The following CTNND2 variants were observed in gnomAD, a reference collection of about 807,000 sequenced individuals.
The protein encoded by CTNND2 is catenin delta-2.
Under a neutral mutation model 144.4 loss-of-function variants are expected in CTNND2, and 22 were observed. That is an observed-to-expected ratio of 0.15 (90% CI 0.11 to 0.22). CTNND2 has a LOEUF of 0.22. Among genes scored for constraint, CTNND2 ranks in the 10% least tolerant of loss-of-function variants. The pLI is 1.00. For synonymous variants in CTNND2, 751 were observed against 695.6 expected (o/e 1.08, Z -1.25); for missense variants, 1,353 against 1,618.8 (o/e 0.84, Z 2.82).
intron 1 of CTNND2, among the ~76,000 whole-genome samples, chr5:11,883,402 G>C (rs1416324988): frequency 6.6e-6 from 1 of 152,002 alleles, no homozygotes; most frequent in Non-Finnish European, 1.5e-5. Flanking sequence ...TCCTTATTCA[G>C]CTCTCACCTA....
intron 9 of CTNND2, 45 bp from the exon 10 acceptor site, chr5:11,236,868 T>C (rs757526103): frequency 1.2e-6 from 2 of 1,606,602 alleles, no homozygotes; most frequent in Non-Finnish European, 8.5e-7. Flanking sequence ...AGAGAAATCC[T>C]ACCACACTGT....
intron 1 of CTNND2, among the ~76,000 whole-genome samples, chr5:11,769,007 T>C (rs577554259): frequency 6.6e-6 from 1 of 152,326 alleles, no homozygotes; most frequent in East Asian, 1.9e-4. Context: ...TTCCATAGAC[T>C]ATAAATAAGA....
rs1487622330 is a variant in CTNND2 at position 11,081,071 on chromosome 5, G to GTC, written c.2788+1623_2788+1624dup. Among the ~76,000 whole-genome samples, 51 of 51,358 alleles carry GTC rather than the reference G, an allele frequency of 9.9e-4. 1 individual carries two copies. The South Asian group carries it at 0.019, about 19-fold the overall frequency. The allele number at this position is 51,358 out of a possible 152,430, so 33.7% of individuals were successfully genotyped here. ...CAGCCTGAGCAACACATGAGACCCTGTCACACACACACACACACACACACA... is the reference window on the plus strand; with the variant it reads ...CAGCCTGAGCAACACATGAGACCCTGTCTCACACACACACACACACACACACA... On this transcript the variant is annotated intron_variant, in intron 16 of 21. Transcript: ENST00000304623.
chr5:11,832,353 C>T (rs1447781306), intron 1 of CTNND2, among the ~76,000 whole-genome samples: 2 of 151,320 alleles, frequency 1.3e-5, no homozygotes, highest in East Asian at 3.9e-4. Flanking sequence ...AATGAAAAGA[C>T]AAGGCACAGT....
chr5:11,798,053 T>C (rs1038579980), intron 1 of CTNND2, among the ~76,000 whole-genome samples: 8 of 151,432 alleles, frequency 5.3e-5, no homozygotes, highest in Non-Finnish European at 1.0e-4. Context: ...AGGTGAGGAG[T>C]TCGAGACCAG....
At chr5:11,164,065 C>A (rs1011157696) in intron 11 of CTNND2, among the ~76,000 whole-genome samples, 2 of 152,068 alleles carry the variant, frequency 1.3e-5, no homozygotes, top group African/African-American at 4.8e-5. Context: ...CTGCCTGCAT[C>A]GCATTCCTTG....
chr5:11,463,510 T>C (rs1033424198), intron 3 of CTNND2, among the ~76,000 whole-genome samples: 1 of 152,176 alleles, frequency 6.6e-6, no homozygotes, highest in African/African-American at 2.4e-5. Flanking sequence ...AGGACCCTTG[T>C]TTGTGGCTAC....
intron 1 of CTNND2, among the ~76,000 whole-genome samples, chr5:11,880,137 T>C (rs367762570): frequency 8.5e-5 from 13 of 152,288 alleles, no homozygotes; most frequent in African/African-American, 2.9e-4. Flanking sequence ...ACTTAATTCA[T>C]CCTGATACAC....
intron 5 of CTNND2, among the ~76,000 whole-genome samples, chr5:11,405,889 T>G (rs916562791): frequency 1.1e-4 from 17 of 152,072 alleles, no homozygotes; most frequent in African/African-American, 4.1e-4. Flanking sequence ...TTTAAAAACT[T>G]GGACCTCCCA....
Position 11,354,325 on chromosome 5 carries a change from C to T in CTNND2, c.1373-7698G>A, listed in dbSNP as rs542016311. On this transcript the variant is annotated intron_variant, in intron 8 of 21. Transcript: ENST00000304623. ...TAAAAGGTATATTATATTCTTTATG[C>T]ATCCAAATGTCCACTGCTGAATAAG... is the stretch of plus-strand genomic sequence containing the variant. Among the ~76,000 whole-genome samples the T allele has an allele frequency of 3.3e-4, 50 of 152,316 alleles. 1 individual carries two copies. In the South Asian group the frequency reaches 8.9e-3, roughly 27 times the overall value.
At chr5:11,253,290 G>C (rs1468862699) in intron 9 of CTNND2, among the ~76,000 whole-genome samples, 1 of 152,040 alleles carries the variant, frequency 6.6e-6, no homozygotes, top group Non-Finnish European at 1.5e-5. Flanking sequence ...AGTTACCTGT[G>C]ATTTATTCAA....
At chr5:11,482,027 C>T (rs1412458416) in intron 3 of CTNND2, among the ~76,000 whole-genome samples, 2 of 152,170 alleles carry the variant, frequency 1.3e-5, no homozygotes, top group Admixed American at 6.5e-5. Flanking sequence ...CTGCTACTGC[C>T]TCTCTGAGTT....
intron 16 of CTNND2, among the ~76,000 whole-genome samples, chr5:11,076,173 T>C (rs1748928648): frequency 6.6e-6 from 1 of 152,152 alleles, no homozygotes; most frequent in Non-Finnish European, 1.5e-5. Flanking sequence ...CTAAAACAAG[T>C]GAGAAGGTTT....
At chr5:11,518,957 C>G (rs1772457705) in intron 3 of CTNND2, among the ~76,000 whole-genome samples, 1 of 152,114 alleles carries the variant, frequency 6.6e-6, no homozygotes. Flanking sequence ...AATTTCAACA[C>G]AAGTACGTCC....
chr5:11,805,105 G>A (rs1227194097), intron 1 of CTNND2, among the ~76,000 whole-genome samples: 1 of 152,136 alleles, frequency 6.6e-6, no homozygotes, highest in Non-Finnish European at 1.5e-5. Context: ...GAACAATTAA[G>A]TAAAAGGATG....
intron 5 of CTNND2, among the ~76,000 whole-genome samples, chr5:11,410,932 C>T (rs959727575): frequency 4.0e-5 from 6 of 150,922 alleles, no homozygotes; most frequent in African/African-American, 4.9e-5. Context: ...AGTACAGTGG[C>T]GCAATCTCGG....
At chr5:11,379,364 A>G (rs1383917771) in intron 7 of CTNND2, among the ~76,000 whole-genome samples, 1 of 152,216 alleles carries the variant, frequency 6.6e-6, no homozygotes, top group East Asian at 1.9e-4. Context: ...TTAAGACTAC[A>G]GAGATTCTGG....
intron 15 of CTNND2, chr5:11,083,860 C>T: frequency 9.1e-7 from 1 of 1,099,370 alleles, no homozygotes; most frequent in Non-Finnish European, 1.1e-6. Context: ...TGGGGGCAGG[C>T]ACCCCAGAGC....
In CTNND2 at chr5:11,142,902, T is replaced by C. The variant is rs556321584; in HGVS notation, c.2159+16674A>G. Among the ~76,000 whole-genome samples, 54 of 152,238 alleles carry C rather than the reference T, an allele frequency of 3.5e-4. 1 individual carries two copies. The highest frequency in any genetic ancestry group is 7.1e-4 in the Non-Finnish European group (48 of 68,010). ...GCTGGGATTACAAAATTTAAACTCT[T>C]TTATTAGCCAACTGGTCTTGGGCAA... On this transcript the variant is annotated intron_variant, in intron 12 of 21. Coordinates refer to ENST00000304623, the MANE Select transcript of CTNND2 (RefSeq NM_001332.4).
Sources: gnomAD v4.1 joint callset for allele counts (sites outside exome capture counted in the v4.1 genomes callset) on GRCh38, gnomAD v4.1.1 for gene constraint, MANE v1.5 for transcripts, NCBI Gene and HGNC (gene_info 2026-07-23, HGNC 2026-07-21) for gene names.